The following LRFN5 variants were observed in gnomAD, a reference collection of about 807,000 sequenced individuals.
LRFN5 encodes the protein leucine rich repeat and fibronectin type III domain containing 5.
Under a neutral mutation model 45.6 loss-of-function variants are expected in LRFN5, and 24 were observed. The observed-to-expected ratio is 0.53, with a 90% CI of 0.38 to 0.74. The LOEUF (loss-of-function observed/expected upper bound fraction) is 0.74. Among genes scored for constraint, LRFN5 ranks in the 30% least tolerant of loss-of-function variants. LRFN5 has a pLI of 0.00. For synonymous variants in LRFN5, 340 were observed against 313.8 expected (o/e 1.08, Z -0.88); for missense variants, 776 against 861.5 (o/e 0.90, Z 1.24).
intron 1 of LRFN5, among the ~76,000 whole-genome samples, chr14:41,707,956 G>C (rs1489216345): frequency 1.3e-5 from 2 of 151,966 alleles, no homozygotes; most frequent in Non-Finnish European, 2.9e-5. Context: ...CTAAATACCT[G>C]CTAATGTCTA....
Position 41,891,979 on chromosome 14 carries a change from G to T in LRFN5, c.2098+17G>T. ...TAAAGCCAAGTAAGTTTATCACTTT[G>T]CCTGCTGAGAGATCCGGAGCAAGGC... is the stretch of plus-strand genomic sequence containing the variant. On this transcript the variant is annotated intron_variant, in intron 4 of 5. Coordinates refer to ENST00000298119, the MANE Select transcript of LRFN5 (RefSeq NM_152447.5). The T allele has an allele frequency of 6.2e-7, 1 of 1,606,140 alleles. No individual in the cohort carries two copies. Among genetic ancestry groups the T allele is most frequent in the Non-Finnish European group, 8.5e-7 (1 of 1,177,980 alleles).
At chr14:41,753,074 G>A (rs1328539861) in intron 1 of LRFN5, among the ~76,000 whole-genome samples, 1 of 152,096 alleles carries the variant, frequency 6.6e-6, no homozygotes, top group African/African-American at 2.4e-5. Flanking sequence ...TCAGATAGTT[G>A]TAGATATGCG....
At chr14:41,670,430 G>A (rs1881150034) in intron 1 of LRFN5, among the ~76,000 whole-genome samples, 1 of 150,132 alleles carries the variant, frequency 6.7e-6, no homozygotes, top group Middle Eastern at 3.5e-3. Flanking sequence ...ATATGTTTTT[G>A]ATTTATGACA....
At chr14:41,885,387 A>T (rs1890532772) in intron 2 of LRFN5, among the ~76,000 whole-genome samples, 1 of 151,988 alleles carries the variant, frequency 6.6e-6, no homozygotes, top group South Asian at 2.1e-4. Context: ...AGAGCTTTTA[A>T]TCAAATATAT....
chr14:41,806,996 CACT>C (rs1887547919), intron 2 of LRFN5, among the ~76,000 whole-genome samples: 1 of 152,146 alleles, frequency 6.6e-6, no homozygotes, highest in Admixed American at 6.6e-5. Flanking sequence ...GAAGTAACTA[CACT>C]ACTACCTTTT....
chr14:41,860,028 T>G (rs993153614), intron 2 of LRFN5, among the ~76,000 whole-genome samples: 1 of 152,152 alleles, frequency 6.6e-6, no homozygotes, highest in Admixed American at 6.5e-5. Context: ...GTGCTTAACT[T>G]TTTTCCAAAT....
At chr14:41,784,951 A>G (rs146607175) in intron 2 of LRFN5, among the ~76,000 whole-genome samples, 2,029 of 152,164 alleles carry the variant, frequency 0.013, 18 homozygotes, top group Non-Finnish European at 0.018. Flanking sequence ...TAATTGTTAA[A>G]TGTACATTTA....
intron 2 of LRFN5, among the ~76,000 whole-genome samples, chr14:41,789,865 G>T (rs11627826): frequency 6.6e-6 from 1 of 151,552 alleles, no homozygotes; most frequent in Non-Finnish European, 1.5e-5. Context: ...GACTGGTTTC[G>T]TAATATTTTC....
intron 1 of LRFN5, among the ~76,000 whole-genome samples, chr14:41,671,036 T>G (rs899905743): frequency 6.6e-6 from 1 of 151,846 alleles, no homozygotes; most frequent in African/African-American, 2.4e-5. Flanking sequence ...CCATTAATAT[T>G]TAGAATATAA....
intron 2 of LRFN5, among the ~76,000 whole-genome samples, chr14:41,821,149 T>A (rs1241778): frequency 0.52 from 78,193 of 151,636 alleles, 21,053 homozygotes; most frequent in African/African-American, 0.63. Flanking sequence ...GTACAATGTA[T>A]AATAGAAGTA....
intron 1 of LRFN5, among the ~76,000 whole-genome samples, chr14:41,762,610 G>A (rs1885717275): frequency 6.6e-6 from 1 of 152,004 alleles, no homozygotes; most frequent in Admixed American, 6.6e-5. Flanking sequence ...CATTAATATG[G>A]AGTAATTTTC....
chr14:41,741,165 A>G (rs956151179), intron 1 of LRFN5, among the ~76,000 whole-genome samples: 4 of 151,714 alleles, frequency 2.6e-5, no homozygotes. Context: ...TGCAGATTCA[A>G]TGCAATCTCT....
intron 2 of LRFN5, among the ~76,000 whole-genome samples, chr14:41,852,179 G>A (rs1287891558): frequency 6.6e-6 from 1 of 151,734 alleles, no homozygotes; most frequent in Non-Finnish European, 1.5e-5. Flanking sequence ...AGTTGTTAAT[G>A]CAATCCTGTT....
chr14:41,742,252 T>C (rs777881048), intron 1 of LRFN5, among the ~76,000 whole-genome samples: 8 of 151,354 alleles, frequency 5.3e-5, no homozygotes, highest in African/African-American at 9.7e-5. Flanking sequence ...AGCCAAGATA[T>C]AGAAGCAATA....
chr14:41,849,143 A>G (rs1293183602), intron 2 of LRFN5, among the ~76,000 whole-genome samples: 1 of 152,050 alleles, frequency 6.6e-6, no homozygotes, highest in East Asian at 1.9e-4. Context: ...TTCTTACACT[A>G]TAAAGTAACA....
At chr14:41,895,408 G>A (rs1342013754) in intron 4 of LRFN5, among the ~76,000 whole-genome samples, 2 of 152,122 alleles carry the variant, frequency 1.3e-5, no homozygotes, top group African/African-American at 2.4e-5. Flanking sequence ...CAGATCACTT[G>A]AGGTCAGGAG....
At chr14:41,718,846 G>A in intron 1 of LRFN5, among the ~76,000 whole-genome samples, 1 of 152,148 alleles carries the variant, frequency 6.6e-6, no homozygotes, top group East Asian at 1.9e-4. Flanking sequence ...AGGTACCTAT[G>A]TATGGGGCAT....
At chr14:41,789,881 C>A (rs1322262467) in intron 2 of LRFN5, among the ~76,000 whole-genome samples, 2 of 146,930 alleles carry the variant, frequency 1.4e-5, no homozygotes, top group Non-Finnish European at 3.0e-5. Context: ...TTTTCATAAA[C>A]AATTTGCATC....
At chr14:41,759,461 A>G (rs915246610) in intron 1 of LRFN5, among the ~76,000 whole-genome samples, 2 of 57,226 alleles carry the variant, frequency 3.5e-5, no homozygotes, top group African/African-American at 3.0e-4. Context: ...ACACACACAC[A>G]CACACACACA....
Sources: gnomAD v4.1 joint callset for allele counts (sites outside exome capture counted in the v4.1 genomes callset) on GRCh38, gnomAD v4.1.1 for gene constraint, MANE v1.5 for transcripts, NCBI Gene and HGNC (gene_info 2026-07-23, HGNC 2026-07-21) for gene names.